GAS2: variants seen among roughly 807,000 people sequenced by gnomAD.
GAS2 encodes growth arrest specific 2.
GAS2 carries 20 observed loss-of-function variants against 37.5 expected under a neutral mutation model. The ratio of observed to expected loss-of-function variants is 0.53; its 90% CI spans 0.37 to 0.77. The LOEUF is 0.77. GAS2 is among the 30% of genes least tolerant of loss of function. GAS2 has a pLI of 0.00. For missense variants in GAS2, 336 were observed against 373.4 expected (o/e 0.90, Z 0.82); for synonymous variants, 144 against 132.2 (o/e 1.09, Z -0.61).
Position 22,750,165 on chromosome 11 carries a change from G to C in GAS2, c.615+904G>C, listed in dbSNP as rs139102385. On this transcript the variant is annotated intron_variant, in intron 6 of 7. Coordinates refer to ENST00000454584, the MANE Select transcript of GAS2 (RefSeq NM_001143830.3). ...GAGTGACGTATGTCTCACATACATG[G>C]GGAGAGTCCTTAGAAACTAGCACCA... 7.3e-3 allele frequency among the ~76,000 whole-genome samples: 1,111 copies of C among 152,108 alleles called. 21 individuals carry two copies. Among genetic ancestry groups the C allele is most frequent in the African/African-American group, 0.025 (1,046 of 41,518 alleles).
intron 3 of GAS2, among the ~76,000 whole-genome samples, chr11:22,703,487 ATATG>A (rs765463917): frequency 2.7e-4 from 41 of 152,316 alleles, no homozygotes; most frequent in Non-Finnish European, 4.4e-4. Context: ...TCAATAATGA[ATATG>A]TATGCTATTT....
intron 7 of GAS2, among the ~76,000 whole-genome samples, chr11:22,783,822 A>G (rs1239970802): frequency 6.6e-6 from 1 of 152,064 alleles, no homozygotes; most frequent in South Asian, 2.1e-4. Flanking sequence ...GTTTTTTTGT[A>G]TATGTGTAAG....
In GAS2 at chr11:22,640,277, T is replaced by C. The variant is rs534108011; in HGVS notation, c.-21+14464T>C. Among the ~76,000 whole-genome samples, 73 of 152,322 alleles carry C rather than the reference T, an allele frequency of 4.8e-4. 1 individual carries two copies. The highest frequency in any genetic ancestry group is 1.8e-3 in the African/African-American group (73 of 41,570). ...GCAGAAAGACCGTAACATGTAATAATAGATGTAACAATGTATGTATATTCT... is the reference window on the plus strand; with the variant it reads ...GCAGAAAGACCGTAACATGTAATAACAGATGTAACAATGTATGTATATTCT... On this transcript the variant is annotated intron_variant, in intron 1 of 5. Transcript: ENST00000528582.
At chr11:22,781,398 C>T (rs1258223419) in intron 7 of GAS2, among the ~76,000 whole-genome samples, 1 of 152,212 alleles carries the variant, frequency 6.6e-6, no homozygotes, top group Non-Finnish European at 1.5e-5. Context: ...GCCTCTGCTA[C>T]TGAAGCAGGT....
intron 3 of GAS2, among the ~76,000 whole-genome samples, chr11:22,725,738 A>G (rs1852172969): frequency 6.6e-6 from 1 of 152,098 alleles, no homozygotes; most frequent in Non-Finnish European, 1.5e-5. Context: ...TTATCATGAC[A>G]TTATTTTTTA....
chr11:22,630,781 A>C (rs1858735247), intron 1 of GAS2, among the ~76,000 whole-genome samples: 1 of 152,108 alleles, frequency 6.6e-6, no homozygotes, highest in Admixed American at 6.5e-5. Flanking sequence ...ATGTTGAGTA[A>C]TGTGATGCCT....
At chr11:22,762,335 T>C (rs962461166) in intron 7 of GAS2, among the ~76,000 whole-genome samples, 1 of 152,172 alleles carries the variant, frequency 6.6e-6, no homozygotes, top group African/African-American at 2.4e-5. Flanking sequence ...TGTTTATATT[T>C]ATATCACAGG....
chr11:22,680,030 C>A (rs895391512), intron 2 of GAS2, among the ~76,000 whole-genome samples: 12 of 152,018 alleles, frequency 7.9e-5, no homozygotes, highest in African/African-American at 2.2e-4. Flanking sequence ...ATAACATTTT[C>A]AGCATTAAAA....
intron 3 of GAS2, among the ~76,000 whole-genome samples, chr11:22,691,368 T>C (rs1198474046): frequency 6.6e-6 from 1 of 152,196 alleles, no homozygotes; most frequent in African/African-American, 2.4e-5. Flanking sequence ...AGAAATTTTC[T>C]TCTCAGAAAA....
intron 7 of GAS2, among the ~76,000 whole-genome samples, chr11:22,758,299 T>G (rs1854161700): frequency 6.6e-6 from 1 of 152,238 alleles, no homozygotes; most frequent in Non-Finnish European, 1.5e-5. Flanking sequence ...CTTGCATTTC[T>G]TAAATTTGCA....
intron 3 of GAS2, among the ~76,000 whole-genome samples, chr11:22,722,994 T>C (rs1852018579): frequency 6.6e-6 from 1 of 151,910 alleles, no homozygotes. Context: ...GGTTCTCTTT[T>C]AAATTCTTGA....
chr11:22,803,979 A>G (rs1314757655), intron 7 of GAS2, among the ~76,000 whole-genome samples: 1 of 152,068 alleles, frequency 6.6e-6, no homozygotes, highest in African/African-American at 2.4e-5. Flanking sequence ...TAAATCAGCA[A>G]TTGCAATATT....
At chr11:22,631,517 G>A (rs936818929) in intron 1 of GAS2, among the ~76,000 whole-genome samples, 1 of 151,952 alleles carries the variant, frequency 6.6e-6, no homozygotes, top group Non-Finnish European at 1.5e-5. Context: ...GTTTGTTGAG[G>A]TTTATGTCAT....
At chr11:22,645,303 A>AT (rs1848676127) in intron 1 of GAS2, among the ~76,000 whole-genome samples, 1 of 152,002 alleles carries the variant, frequency 6.6e-6, no homozygotes, top group Non-Finnish European at 1.5e-5. Context: ...AGGTAAGGAG[A>AT]TTAAGACCAT....
chr11:22,751,810 C>A (rs1250580551), intron 6 of GAS2, among the ~76,000 whole-genome samples: 2 of 151,958 alleles, frequency 1.3e-5, no homozygotes, highest in Non-Finnish European at 2.9e-5. Flanking sequence ...TTTACCAATA[C>A]TCCAGTTCAG....
At chr11:22,730,581 T>G (rs1312434194) in intron 4 of GAS2, among the ~76,000 whole-genome samples, 3 of 151,798 alleles carry the variant, frequency 2.0e-5, no homozygotes, top group African/African-American at 7.2e-5. Context: ...TTTTCATTAC[T>G]CTGATATATT....
At chr11:22,703,056 A>G (rs1012486523) in intron 3 of GAS2, among the ~76,000 whole-genome samples, 2 of 152,198 alleles carry the variant, frequency 1.3e-5, no homozygotes, top group African/African-American at 2.4e-5. Context: ...AACTCCAAAA[A>G]GTATAAAAAG....
chr11:22,646,480 A>G (rs1027782967), intron 1 of GAS2, among the ~76,000 whole-genome samples: 2 of 152,158 alleles, frequency 1.3e-5, no homozygotes, highest in Admixed American at 1.3e-4. Flanking sequence ...CTTTAAATCT[A>G]CCTATGTGTT....
intron 5 of GAS2, among the ~76,000 whole-genome samples, chr11:22,748,583 A>G (rs538226557): frequency 1.2e-3 from 189 of 152,216 alleles, no homozygotes; most frequent in Non-Finnish European, 2.3e-3. Flanking sequence ...TCCTAGGATC[A>G]TAACCTATGA....
Sources: allele counts gnomAD v4.1 joint callset (sites outside exome capture counted in the v4.1 genomes callset), GRCh38; gene constraint gnomAD v4.1.1; transcripts MANE v1.5; gene names NCBI Gene and HGNC (gene_info 2026-07-23, HGNC 2026-07-21).